The following GALNT14 variants were observed in gnomAD, a reference collection of about 807,000 sequenced individuals.
GALNT14 encodes polypeptide N-acetylgalactosaminyltransferase 14.
Under a neutral mutation model 77.5 loss-of-function variants are expected in GALNT14, and 60 were observed. The observed-to-expected ratio is 0.77, with a 90% CI of 0.63 to 0.96. GALNT14 has a LOEUF of 0.96. GALNT14 is among the 40% of genes least tolerant of loss of function. The pLI is 0.00. For missense variants in GALNT14, 710 were observed against 731.0 expected (o/e 0.97, Z 0.33); for synonymous variants, 280 against 281.7 (o/e 0.99, Z 0.06).
chr2:31,080,525 A>C (rs1434317054), intron 1 of GALNT14, among the ~76,000 whole-genome samples: 2 of 152,234 alleles, frequency 1.3e-5, no homozygotes, highest in Non-Finnish European at 2.9e-5. Context: ...AGTAATAGTT[A>C]GATGTTTGTA....
At chr2:30,986,182 G>A (rs1472889662) in intron 2 of GALNT14, among the ~76,000 whole-genome samples, 3 of 152,190 alleles carry the variant, frequency 2.0e-5, no homozygotes, top group African/African-American at 7.2e-5. Context: ...GCACCGCACT[G>A]GACAAAGGCT....
intron 7 of GALNT14, 133 bp downstream of exon 7, chr2:30,945,650 A>G: frequency 1.4e-6 from 1 of 715,984 alleles, no homozygotes; most frequent in Non-Finnish European, 2.4e-6. Flanking sequence ...AGCTAAGGTA[A>G]TTATAGTGCA....
rs74876072 is a variant in GALNT14 at position 30,966,040 on chromosome 2, T to C, written c.398+164A>G. 6.2e-4 allele frequency among the ~76,000 whole-genome samples: 95 copies of C among 152,300 alleles called. No homozygotes were observed. In the East Asian group the frequency reaches 0.011, roughly 17 times the overall value. On this transcript the variant is annotated intron_variant, in intron 3 of 14. Coordinates refer to ENST00000349752, the MANE Select transcript of GALNT14 (RefSeq NM_024572.4). ...GGGATAATAGCCTCCCTTACAGGAA[T>C]GTGAGGAGTGACTGAGTGGACACAT... is the stretch of plus-strand genomic sequence containing the variant.
intron 1 of GALNT14, among the ~76,000 whole-genome samples, chr2:31,004,513 G>A (rs1670553604): frequency 6.6e-6 from 1 of 152,180 alleles, no homozygotes; most frequent in Admixed American, 6.5e-5. Context: ...GCACAGTTGA[G>A]CCATCTTGGA....
At chr2:30,992,230 T>C (rs1241479863) in intron 2 of GALNT14, among the ~76,000 whole-genome samples, 1 of 152,136 alleles carries the variant, frequency 6.6e-6, no homozygotes, top group Non-Finnish European at 1.5e-5. Context: ...GAAACAAAAC[T>C]TTCTACGTAG....
At chr2:31,020,068 C>T (rs1573175671) in intron 1 of GALNT14, among the ~76,000 whole-genome samples, 1 of 152,298 alleles carries the variant, frequency 6.6e-6, no homozygotes, top group African/African-American at 2.4e-5. Flanking sequence ...CCCCAGCACA[C>T]CCTGGCTTAT....
At chr2:31,047,681 T>C (rs1673554953) in intron 1 of GALNT14, among the ~76,000 whole-genome samples, 1 of 152,182 alleles carries the variant, frequency 6.6e-6, no homozygotes, top group African/African-American at 2.4e-5. Context: ...GGTTCTCAAA[T>C]GTAGCTGCAC....
intron 1 of GALNT14, among the ~76,000 whole-genome samples, chr2:31,002,295 T>A (rs1171990071): frequency 6.6e-6 from 1 of 151,992 alleles, no homozygotes. Context: ...CCGGGCGTGG[T>A]GATGTGCGCC....
intron 1 of GALNT14, among the ~76,000 whole-genome samples, chr2:31,133,774 T>C (rs1416775170): frequency 6.6e-6 from 1 of 152,232 alleles, no homozygotes; most frequent in Non-Finnish European, 1.5e-5. Flanking sequence ...GTATTTACCA[T>C]TCAAATACAG....
chr2:30,953,412 G>A (rs529159009), intron 6 of GALNT14, among the ~76,000 whole-genome samples: 7 of 149,906 alleles, frequency 4.7e-5, no homozygotes, highest in Admixed American at 1.3e-4. Flanking sequence ...TGGTTCAAGC[G>A]ATTCTCCTGC....
rs1439905594 is a variant in GALNT14, at chr2:30,945,870, C to A, written c.655G>T (p.Asp219Tyr). 6.2e-7 allele frequency: 1 copy of A among 1,613,804 alleles called. No individual in the cohort carries two copies. The highest frequency in any genetic ancestry group is 1.7e-5 in the Admixed American group (1 of 60,000). The change falls in exon 7 of 15, where the codon GAC becomes TAC. Residue 219 changes from aspartate to tyrosine, a missense_variant and splice_region_variant. Physicochemically the swap from Asp to Tyr is radical, Grantham distance 160 (BLOSUM62 -3). Coordinates refer to ENST00000349752, the MANE Select transcript of GALNT14 (RefSeq NM_024572.4). ...LQPLLHRVKE[D>Y]YTRVVCPVID... is the part of the protein sequence containing the mutation. ...ACAGGGCACACCACCCGCGTGTAGT[C>A]CTGTAAGACAACAGACCCGCACTTA...
At chr2:31,106,524 CT>C (rs1677568799) in intron 1 of GALNT14, among the ~76,000 whole-genome samples, 1 of 152,110 alleles carries the variant, frequency 6.6e-6, no homozygotes, top group Admixed American at 6.5e-5. Flanking sequence ...ACCAATTTGC[CT>C]TTTTTTCTTT....
At chr2:31,023,366 T>C (rs1188728355) in intron 1 of GALNT14, among the ~76,000 whole-genome samples, 1 of 152,122 alleles carries the variant, frequency 6.6e-6, no homozygotes, top group African/African-American at 2.4e-5. Flanking sequence ...CAAGGAACTC[T>C]TTCCTGTAAC....
intron 1 of GALNT14, among the ~76,000 whole-genome samples, chr2:31,130,206 A>G (rs904674161): frequency 6.6e-5 from 10 of 152,240 alleles, no homozygotes; most frequent in African/African-American, 2.4e-4. Context: ...TCCAGGATGC[A>G]GGGGATCAGA....
chr2:30,965,090 G>A (rs978387328), intron 3 of GALNT14, among the ~76,000 whole-genome samples: 7 of 152,110 alleles, frequency 4.6e-5, no homozygotes, highest in African/African-American at 1.7e-4. Flanking sequence ...TTCTTGCTCA[G>A]CTGCGGGACG....
chr2:30,908,035 A>G (rs1427237050), downstream of GALNT14, among the ~76,000 whole-genome samples: 4 of 127,774 alleles, frequency 3.1e-5, no homozygotes, highest in Non-Finnish European at 4.9e-5. Context: ...AACTCTCAAT[A>G]AATTAGGTAT....
chr2:31,104,013 C>T (rs78097415), intron 1 of GALNT14, among the ~76,000 whole-genome samples: 5 of 152,070 alleles, frequency 3.3e-5, no homozygotes, highest in African/African-American at 9.7e-5. Context: ...GGATATAAAT[C>T]GTTGGCTCAC....
At chr2:31,021,789 C>T in intron 1 of GALNT14, among the ~76,000 whole-genome samples, 1 of 152,168 alleles carries the variant, frequency 6.6e-6, no homozygotes, top group East Asian at 1.9e-4. Flanking sequence ...TTGTTGAGTC[C>T]TGGTGCAGCA....
At chr2:31,102,027 C>T (rs1285093178) in intron 1 of GALNT14, among the ~76,000 whole-genome samples, 2 of 152,056 alleles carry the variant, frequency 1.3e-5, no homozygotes, top group African/African-American at 4.8e-5. Context: ...GCCTTCCCAG[C>T]CATGCTGAAC....
Sources: gnomAD v4.1 joint callset for allele counts (sites outside exome capture counted in the v4.1 genomes callset) on GRCh38, gnomAD v4.1.1 for gene constraint, MANE v1.5 for transcripts, NCBI Gene and HGNC (gene_info 2026-07-23, HGNC 2026-07-21) for gene names.